The following RNF213 variants were observed in gnomAD, a reference collection of about 807,000 sequenced individuals.
The protein encoded by RNF213 is E3 ubiquitin-protein ligase RNF213.
RNF213 carries 341 observed loss-of-function variants against 514.4 expected under a neutral mutation model. The observed-to-expected ratio is 0.66, with a 90% confidence interval of 0.61 to 0.73. RNF213 has a LOEUF of 0.73. RNF213 is among the 30% of genes least tolerant of loss of function. The probability of loss-of-function intolerance (pLI) is 0.00; values close to 1 mark genes in which losing one functional copy is unlikely to be tolerated. For synonymous variants in RNF213, 2,655 were observed against 2,658.2 expected (o/e 1.00, Z 0.04); for missense variants, 5,767 against 6,615.6 (o/e 0.87, Z 4.45).
At chr17:80,291,420 G>A (rs899603971) in intron 7 of RNF213, among the ~76,000 whole-genome samples, 1 of 151,760 alleles carries the variant, frequency 6.6e-6, no homozygotes, top group Admixed American at 6.6e-5. Context: ...TGCAGTGGTG[G>A]GATCACAGGT....
intron 30 of RNF213, 94 bp from the exon 31 acceptor site, chr17:80,350,207 T>G (rs2078456734): frequency 1.2e-6 from 1 of 866,126 alleles, no homozygotes; most frequent in African/African-American, 1.7e-5. Context: ...AGCTGTTTCT[T>G]TGTAGCCTTT....
chr17:80,295,026 C>T lies in RNF213; in HGVS notation c.1755+23C>T, dbSNP rs767763506. Reference sequence around the variant, plus strand: ...GAGGTATCAGGCTTGCCACCAGCTGCTCTACCTGCTGGGCAGGAGCCACAC... The same window carrying T: ...GAGGTATCAGGCTTGCCACCAGCTGTTCTACCTGCTGGGCAGGAGCCACAC... On this transcript the variant is annotated intron_variant, in intron 9 of 67. Coordinates refer to ENST00000582970, the MANE Select transcript of RNF213 (RefSeq NM_001256071.3). The T allele has an allele frequency of 1.6e-5, 26 of 1,613,462 alleles. No homozygotes were observed. In the South Asian group the frequency reaches 2.4e-4, roughly 15 times the overall value.
intron 11 of RNF213, among the ~76,000 whole-genome samples, chr17:80,300,724 G>A (rs1282048190): frequency 6.6e-6 from 1 of 151,906 alleles, no homozygotes; most frequent in East Asian, 1.9e-4. Context: ...GCTAATTTTT[G>A]TATTTTTAGT....
In RNF213 at chr17:80,273,318, G is replaced by T. The variant is rs754663746; in HGVS notation, c.175G>T (p.Gly59Trp). 1 of 1,613,570 alleles carries T rather than the reference G, an allele frequency of 6.2e-7. No individual in the cohort carries two copies. The highest frequency in any genetic ancestry group is 8.5e-7 in the Non-Finnish European group (1 of 1,179,994). Residue 59 changes from glycine to tryptophan, a missense_variant, in exon 3 of 68, where the codon GGG becomes TGG. Physicochemically the swap from Gly to Trp is radical, Grantham distance 184. Around this residue, in one of 13 missense-constraint regions of RNF213, gnomAD observed 509 missense variants for 496.7 expected, o/e 1.02. Coordinates refer to ENST00000582970, the MANE Select transcript of RNF213 (RefSeq NM_001256071.3). Reference protein sequence around the residue: ...MECGQELKEEGGPCLFPGSDS... With the variant: ...MECGQELKEEWGPCLFPGSDS... ...GTGTGGGCAGGAGCTGAAGGAGGAA[G>T]GGGGCCCGTGCTTGTTCCCGGGCTC... is the stretch of plus-strand genomic sequence containing the variant.
At position 80,288,544 on chromosome 17, in the gene RNF213, C is replaced by T; in HGVS notation, c.811-89C>T. 2 of 1,611,946 alleles carry T rather than the reference C, an allele frequency of 1.2e-6. No individual in the cohort carries two copies. Among genetic ancestry groups the T allele is most frequent in the Admixed American group, 1.7e-5 (1 of 60,022 alleles). ...GATGCCAGCCCACCCTGTCCCTCGG[C>T]TTGTGGCAGATGCTGCCCCTTAAAC... On this transcript the variant is annotated intron_variant, in intron 4 of 67. Transcript: ENST00000582970. This position sits in a 1 kb window ranked among gnomAD's most constrained non-coding sequence, Gnocchi z 4.9.
At chr17:80,323,978 C>CAT (rs529834863) in intron 17 of RNF213, among the ~76,000 whole-genome samples, 3 of 149,678 alleles carry the variant, frequency 2.0e-5, no homozygotes, top group South Asian at 2.1e-4. Flanking sequence ...ATTGTGTGTG[C>CAT]GTGTGTGTGT....
At chr17:80,304,552 A>G (rs981229506) in intron 11 of RNF213, among the ~76,000 whole-genome samples, 8 of 114,882 alleles carry the variant, frequency 7.0e-5, no homozygotes, top group Admixed American at 6.4e-4. Flanking sequence ...AGGCAGGAGA[A>G]TGGCGTGAGC....
chr17:80,279,049 C>A, intron 3 of RNF213: 1 of 1,095,182 alleles, frequency 9.1e-7, no homozygotes, highest in Non-Finnish European at 1.3e-6. Context: ...GTTTTCGGGT[C>A]ACCCTTGGGC....
chr17:80,319,308 G>T lies in RNF213; in HGVS notation c.3020G>T (p.Cys1007Phe). ...ATCATTGAAGCCGTGAGCTCAGCCT[G>T]CCAGGTGAACAATCTCTCCTCCTGG... ...KCIIEAVSSA[C>F]QSQTSILQGF... is the part of the protein sequence containing the mutation. The change falls in exon 17 of 68, where the codon TGC (cysteine) becomes TTC (phenylalanine). Residue 1007 changes from cysteine to phenylalanine, a missense_variant. Cys to Phe is a radical substitution (Grantham distance 205, BLOSUM62 -2). This residue lies in a region of RNF213 where 516 missense variants were observed against 566.5 expected (regional missense o/e 0.91). Transcript: ENST00000582970. 1 of 1,614,194 alleles carries T rather than the reference G, an allele frequency of 6.2e-7. No individual in the cohort carries two copies. The highest frequency in any genetic ancestry group is 8.5e-7 in the Non-Finnish European group (1 of 1,180,034).
chr17:80,385,497 G>T, intron 60 of RNF213, 41 bp from the exon 61 acceptor site: 1 of 1,580,396 alleles, frequency 6.3e-7, no homozygotes, highest in Non-Finnish European at 8.7e-7. Flanking sequence ...CTTTCAGGGG[G>T]TTGCTATCAT....
At chr17:80,336,139 A>T (rs566649183) in intron 22 of RNF213, 22 bp from the exon 23 acceptor site, 2 of 1,530,784 alleles carry the variant, frequency 1.3e-6, no homozygotes, top group East Asian at 2.5e-5. Flanking sequence ...CCCACGCTGA[A>T]CTCCCCTCTT....
At chr17:80,352,865 CA>C in intron 32 of RNF213, 74 bp from the exon 33 acceptor site, 1 of 1,603,886 alleles carries the variant, frequency 6.2e-7, no homozygotes, top group Non-Finnish European at 8.5e-7. Flanking sequence ...CCAGGGTGTG[CA>C]ATGTCCCTGC....
chr17:80,388,731 C>G (rs762159935), intron 64 of RNF213, 42 bp downstream of exon 64: 1 of 1,424,406 alleles, frequency 7.0e-7, no homozygotes, highest in South Asian at 1.1e-5. Flanking sequence ...GGCTTTCTGC[C>G]TTCTCAGTGT....
chr17:80,313,525 A>C (rs1195229069), intron 15 of RNF213, among the ~76,000 whole-genome samples: 3 of 76,944 alleles, frequency 3.9e-5, no homozygotes, highest in Non-Finnish European at 7.9e-5. Flanking sequence ...ATGGTGGTGA[A>C]GGTGATGGTG....
chr17:80,346,350 G>A lies in RNF213; in HGVS notation c.8015G>A (p.Ser2672Asn). 6.2e-7 allele frequency: 1 copy of A among 1,613,648 alleles called. No individual in the cohort carries two copies. Among genetic ancestry groups the A allele is most frequent in the Non-Finnish European group, 8.5e-7 (1 of 1,180,016 alleles). Reference protein sequence around the residue: ...LNAFLSKSSVSKNHTERDPVL... With the variant: ...LNAFLSKSSVNKNHTERDPVL... Reference sequence around the variant, plus strand: ...GCCTTTCTCTCCAAGTCCAGCGTCAGCAAAAATCACACCGAGAGAGATCCC... The same window carrying A: ...GCCTTTCTCTCCAAGTCCAGCGTCAACAAAAATCACACCGAGAGAGATCCC... The change falls in exon 29 of 68, where the codon AGC becomes AAC. Residue 2672 changes from serine to asparagine, a missense_variant. Coordinates refer to ENST00000582970, the MANE Select transcript of RNF213 (RefSeq NM_001256071.3). This position sits in a 1 kb window ranked among gnomAD's most constrained non-coding sequence, Gnocchi z 8.1.
In RNF213 at chr17:80,344,933, C is replaced by T. The variant is rs1379250768; in HGVS notation, c.6598C>T (p.His2200Tyr). The change falls in exon 29 of 68, where the codon CAT becomes TAT. Residue 2200 changes from histidine (H) to tyrosine (Y), a missense_variant. Physicochemically the swap from His to Tyr is moderately conservative, Grantham distance 83. Around this residue, in one of 13 missense-constraint regions of RNF213, gnomAD observed 1,377 missense variants for 1,635.2 expected, o/e 0.84. Coordinates refer to ENST00000582970, the MANE Select transcript of RNF213 (RefSeq NM_001256071.3). ...VEGTPEECLQ[H>Y]FLFHCGVINP... Reference sequence around the variant, plus strand: ...AGGCACCCCGGAGGAATGCCTCCAGCATTTCCTGTTTCACTGCGGGGTAAT... The same window carrying T: ...AGGCACCCCGGAGGAATGCCTCCAGTATTTCCTGTTTCACTGCGGGGTAAT... 6.2e-7 allele frequency: 1 copy of T among 1,614,080 alleles called. No homozygotes were observed. Among genetic ancestry groups the T allele is most frequent in the Non-Finnish European group, 8.5e-7 (1 of 1,180,046 alleles).
In RNF213 at chr17:80,339,767, G is replaced by A. The variant is rs576387305; in HGVS notation, c.5400G>A (p.Glu1800=). ...TCCTGCCCGACTGCCTCGACCTAGAGACCCTTGGCCACTGTCTGGCTCACC... is the reference window on the plus strand; with the variant it reads ...TCCTGCCCGACTGCCTCGACCTAGAAACCCTTGGCCACTGTCTGGCTCACC... The part of the protein sequence containing the change: ...PAFLPDCLDL[E]TLGHCLAHLA... The change falls in exon 26 of 68, where the codon GAG becomes GAA. Residue 1800 remains glutamate, a synonymous_variant. Coordinates refer to ENST00000582970, the MANE Select transcript of RNF213 (RefSeq NM_001256071.3). 3.4e-5 allele frequency: 52 copies of A among 1,536,700 alleles called. No individual in the cohort carries two copies. The highest frequency in any genetic ancestry group is 4.4e-5 in the Non-Finnish European group (50 of 1,146,602).
At position 80,298,347 on chromosome 17, in the gene RNF213, G is replaced by C; in HGVS notation, c.2039G>C (p.Cys680Ser). 1.2e-6 allele frequency: 2 copies of C among 1,614,120 alleles called. No individual in the cohort carries two copies. The highest frequency in any genetic ancestry group is 1.7e-6 in the Non-Finnish European group (2 of 1,180,036). ...QSWRLYLVNL[C>S]QRCMDTRTYT... ...TGGCGGCTGTACCTGGTGAACCTGT[G>C]CCAAAGATGCATGGACACAAGGACG... is the stretch of plus-strand genomic sequence containing the variant. The change falls in exon 11 of 68, where the codon TGC becomes TCC. Residue 680 changes from cysteine (C) to serine (S), a missense_variant. Physicochemically the swap from Cys to Ser is moderately radical, Grantham distance 112 (BLOSUM62 -1). Transcript: ENST00000582970.
At chr17:80,297,140 T>TA (rs2044982212) in intron 10 of RNF213, among the ~76,000 whole-genome samples, 1 of 151,848 alleles carries the variant, frequency 6.6e-6, no homozygotes, top group Non-Finnish European at 1.5e-5. Context: ...GTTTATAGGC[T>TA]CAACCCTTAC....
Sources: gnomAD v4.1 joint callset for allele counts (sites outside exome capture counted in the v4.1 genomes callset) on GRCh38, gnomAD v4.1.1 for gene constraint, gnomAD v4.1.1 regional missense constraint, Gnocchi (gnomAD v3.1) non-coding constraint, MANE v1.5 for transcripts, NCBI Gene and HGNC (gene_info 2026-07-23, HGNC 2026-07-21) for gene names.